GRM5: variants seen among roughly 807,000 people sequenced by gnomAD.
GRM5 encodes metabotropic glutamate receptor 5.
A neutral mutation model predicts 83.1 loss-of-function variants in GRM5; 19 were observed. The observed-to-expected ratio is 0.23, with a 90% confidence interval of 0.16 to 0.34. The LOEUF is 0.34. Among genes scored for constraint, GRM5 ranks in the 10% least tolerant of loss-of-function variants. The probability of loss-of-function intolerance (pLI) is 1.00; values close to 1 mark genes in which losing one functional copy is unlikely to be tolerated. For missense variants in GRM5, 1,160 were observed against 1,588.3 expected, an observed-to-expected ratio of 0.73 and a Z score of 4.58; for synonymous variants, 675 against 633.6, an observed-to-expected ratio of 1.07 and a Z score of -0.98.
rs985796344 is a variant in GRM5 at position 88,935,988 on chromosome 11, T to A, written c.662-85833A>T. ...GACATCAAGAATAAATCTATTTTAATGCTTTTGTCACATATTATTCTACAA... is the reference window on the plus strand; with the variant it reads ...GACATCAAGAATAAATCTATTTTAAAGCTTTTGTCACATATTATTCTACAA... On this transcript the variant is annotated intron_variant, in intron 2 of 9. Transcript: ENST00000305447. Among the ~76,000 whole-genome samples the A allele has an allele frequency of 2.6e-5, 4 of 151,960 alleles. No homozygotes were observed. The Admixed American group carries it at 2.6e-4, about 10-fold the overall frequency.
At chr11:88,887,577 A>G (rs563728006) in intron 2 of GRM5, among the ~76,000 whole-genome samples, 3 of 152,252 alleles carry the variant, frequency 2.0e-5, no homozygotes. Context: ...GCCTGCAACT[A>G]TGGGTGGCAT....
At chr11:88,700,549 GA>G (rs1234620455) in intron 3 of GRM5, among the ~76,000 whole-genome samples, 4 of 151,260 alleles carry the variant, frequency 2.6e-5, no homozygotes, top group Admixed American at 2.0e-4. Context: ...CTTCTACTTT[GA>G]AAGGGCAAAT....
chr11:88,631,124 T>A (rs1209682503), intron 4 of GRM5, among the ~76,000 whole-genome samples: 1 of 152,172 alleles, frequency 6.6e-6, no homozygotes, highest in African/African-American at 2.4e-5. Context: ...CACATAGTTG[T>A]CATGGTGATG....
At chr11:89,064,878 CTCTCTCTCTCTGTGTGTG>C (rs781026240) in intron 1 of GRM5, among the ~76,000 whole-genome samples, 1 of 56,406 alleles carries the variant, frequency 1.8e-5, no homozygotes. Flanking sequence ...CTCTCTCTCT[CTCTCTCTCTCTGTGTGTG>C]TGTGTGTGTG....
chr11:88,894,468 A>G (rs1000215766), intron 2 of GRM5, among the ~76,000 whole-genome samples: 4 of 151,970 alleles, frequency 2.6e-5, no homozygotes, highest in African/African-American at 4.8e-5. Context: ...ACCACAGACA[A>G]TGTAGCTGCT....
intron 2 of GRM5, among the ~76,000 whole-genome samples, chr11:88,946,662 A>G (rs368658814): frequency 5.3e-5 from 8 of 152,260 alleles, no homozygotes; most frequent in African/African-American, 1.9e-4. Context: ...GAGGACTACT[A>G]GAGTAGGGGT....
At chr11:89,035,793 A>T (rs1191633616) in intron 2 of GRM5, among the ~76,000 whole-genome samples, 3 of 152,058 alleles carry the variant, frequency 2.0e-5, no homozygotes, top group African/African-American at 7.2e-5. Flanking sequence ...AATCTGGCAG[A>T]GCATTTAATT....
intron 3 of GRM5, among the ~76,000 whole-genome samples, chr11:88,717,933 T>G (rs1941437375): frequency 6.6e-6 from 1 of 151,846 alleles, no homozygotes; most frequent in African/African-American, 2.4e-5. Flanking sequence ...AGTAGGATTA[T>G]AAGGAAATAC....
chr11:89,050,512 T>G (rs1941734493), intron 1 of GRM5, among the ~76,000 whole-genome samples: 1 of 152,228 alleles, frequency 6.6e-6, no homozygotes, highest in Non-Finnish European at 1.5e-5. Context: ...ATGGTATTTC[T>G]GTCTTTAGGT....
chr11:88,636,572 C>A (rs1939128902), intron 4 of GRM5, among the ~76,000 whole-genome samples: 1 of 151,828 alleles, frequency 6.6e-6, no homozygotes, highest in Non-Finnish European at 1.5e-5. Flanking sequence ...GTCATTTCAT[C>A]AAAAATTATT....
At chr11:88,806,173 A>C (rs1018789116) in intron 3 of GRM5, among the ~76,000 whole-genome samples, 1 of 152,136 alleles carries the variant, frequency 6.6e-6, no homozygotes, top group Non-Finnish European at 1.5e-5. Context: ...TCATCTATGG[A>C]CCTCTATTAA....
chr11:88,972,905 G>T (rs1939211296), intron 2 of GRM5, among the ~76,000 whole-genome samples: 3 of 152,086 alleles, frequency 2.0e-5, no homozygotes, highest in African/African-American at 7.2e-5. Context: ...CATCACTTCT[G>T]TGGTATTCTT....
At chr11:88,759,738 C>T (rs922112231) in intron 3 of GRM5, among the ~76,000 whole-genome samples, 9 of 152,060 alleles carry the variant, frequency 5.9e-5, no homozygotes, top group Non-Finnish European at 1.2e-4. Context: ...TGACAGACAT[C>T]TACAGAACTC....
At chr11:88,910,915 G>A (rs1945486370) in intron 2 of GRM5, among the ~76,000 whole-genome samples, 1 of 151,736 alleles carries the variant, frequency 6.6e-6, no homozygotes, top group Admixed American at 6.6e-5. Context: ...TAAAATTGCT[G>A]GTCTCTATCC....
chr11:88,827,287 A>G (rs1274100396), intron 3 of GRM5, among the ~76,000 whole-genome samples: 2 of 152,122 alleles, frequency 1.3e-5, no homozygotes, highest in South Asian at 2.1e-4. Flanking sequence ...CACATCAGCA[A>G]TGTTACATTT....
intron 3 of GRM5, among the ~76,000 whole-genome samples, chr11:88,795,427 A>C (rs995118244): frequency 6.6e-6 from 1 of 152,210 alleles, no homozygotes. Flanking sequence ...AGAAGGGAAA[A>C]TAAGTTGACC....
At chr11:88,975,490 C>T (rs1939303947) in intron 2 of GRM5, among the ~76,000 whole-genome samples, 2 of 152,144 alleles carry the variant, frequency 1.3e-5, no homozygotes, top group Admixed American at 6.5e-5. Flanking sequence ...CTAACAAACT[C>T]TCACATCATG....
chr11:89,065,274 C>T (rs891367263), intron 1 of GRM5, among the ~76,000 whole-genome samples: 9 of 145,106 alleles, frequency 6.2e-5, no homozygotes, highest in African/African-American at 1.0e-4. Context: ...CTTTCGTGCA[C>T]ATGTATTGGC....
intron 2 of GRM5, among the ~76,000 whole-genome samples, chr11:88,941,536 G>A (rs1372760666): frequency 2.6e-5 from 1 of 37,918 alleles, no homozygotes; most frequent in Non-Finnish European, 9.2e-5. Context: ...GGGGAGAGGA[G>A]GAGGAGGAGA....
Sources: gnomAD v4.1 joint callset for allele counts (sites outside exome capture counted in the v4.1 genomes callset) on GRCh38, gnomAD v4.1.1 for gene constraint, MANE v1.5 for transcripts, NCBI Gene and HGNC (gene_info 2026-07-23, HGNC 2026-07-21) for gene names.